CNGB3: variants seen among roughly 807,000 people sequenced by gnomAD.
CNGB3 encodes cyclic nucleotide gated channel subunit beta 3.
A neutral mutation model predicts 92.8 loss-of-function variants in CNGB3; 86 were observed. The ratio of observed to expected loss-of-function variants is 0.93; its 90% CI spans 0.78 to 1.11. The LOEUF is 1.11. Ranked by LOEUF, CNGB3 falls within the 50% of genes least tolerant of loss-of-function variation. The probability of loss-of-function intolerance (pLI) is 0.00; values close to 1 mark genes in which losing one functional copy is unlikely to be tolerated. For synonymous variants in CNGB3, 333 were observed against 332.7 expected, an observed-to-expected ratio of 1.00 and a Z score of -0.01; for missense variants, 1,026 against 956.8, an observed-to-expected ratio of 1.07 and a Z score of -0.95.
chr8:86,637,262 T>C (rs1277666066), intron 10 of CNGB3, among the ~76,000 whole-genome samples: 1 of 152,214 alleles, frequency 6.6e-6, no homozygotes, highest in Non-Finnish European at 1.5e-5. Flanking sequence ...GACAGGCAGT[T>C]GACCATCTAT....
chr8:86,705,542 A>G (rs938738403), intron 3 of CNGB3, among the ~76,000 whole-genome samples: 3 of 152,000 alleles, frequency 2.0e-5, no homozygotes, highest in African/African-American at 4.8e-5. Context: ...GGTGGGCCCA[A>G]TATAATCATG....
intron 17 of CNGB3, among the ~76,000 whole-genome samples, chr8:86,577,082 T>C (rs1821675101): frequency 6.6e-6 from 1 of 152,170 alleles, no homozygotes; most frequent in African/African-American, 2.4e-5. Flanking sequence ...TCTCAATATC[T>C]GCCCTCATAG....
chr8:86,658,352 C>T (rs1823561539), intron 6 of CNGB3: 2 of 456,846 alleles, frequency 4.4e-6, no homozygotes, highest in Non-Finnish European at 4.1e-6. Context: ...CCTCACTGTC[C>T]AGTCCATCTC....
intron 14 of CNGB3, among the ~76,000 whole-genome samples, chr8:86,608,304 G>A (rs962403371): frequency 3.3e-5 from 5 of 152,220 alleles, no homozygotes; most frequent in Admixed American, 2.6e-4. Context: ...AAGAGTGCGA[G>A]CCTTCTGTTA....
chr8:86,695,033 G>A (rs936263482), intron 3 of CNGB3, among the ~76,000 whole-genome samples: 7 of 152,226 alleles, frequency 4.6e-5, no homozygotes, highest in Admixed American at 3.9e-4. Context: ...ACGAGACTCC[G>A]TCTGCAATCC....
At chr8:86,712,763 T>C (rs1346418241) in intron 3 of CNGB3, among the ~76,000 whole-genome samples, 2 of 151,220 alleles carry the variant, frequency 1.3e-5, no homozygotes, top group African/African-American at 2.4e-5. Context: ...TAATTTTTTT[T>C]TTTTTTTTTT....
intron 10 of CNGB3, among the ~76,000 whole-genome samples, chr8:86,641,811 T>C (rs973780825): frequency 1.3e-5 from 2 of 151,948 alleles, no homozygotes; most frequent in African/African-American, 4.8e-5. Flanking sequence ...GTTGTAATTG[T>C]ATTCATTTAG....
chr8:86,627,036 G>A (rs1369505262), intron 12 of CNGB3, among the ~76,000 whole-genome samples: 5 of 150,252 alleles, frequency 3.3e-5, no homozygotes, highest in East Asian at 2.0e-4. Flanking sequence ...CAAGGGTCAC[G>A]TTTGTTCCCC....
chr8:86,583,723 C>G (rs946360799), intron 15 of CNGB3, among the ~76,000 whole-genome samples: 1 of 151,906 alleles, frequency 6.6e-6, no homozygotes, highest in Admixed American at 6.6e-5. Context: ...AGTTCGAGAC[C>G]AGACTGGGCA....
intron 10 of CNGB3, among the ~76,000 whole-genome samples, chr8:86,640,400 T>C (rs1025948374): frequency 6.6e-6 from 1 of 152,062 alleles, no homozygotes; most frequent in African/African-American, 2.4e-5. Context: ...ACTAAGTTGT[T>C]TATCTGCCAT....
chr8:86,684,481 A>T (rs1026083742), intron 3 of CNGB3, among the ~76,000 whole-genome samples: 2 of 152,088 alleles, frequency 1.3e-5, no homozygotes, highest in East Asian at 3.9e-4. Flanking sequence ...TGACCCCTAT[A>T]ATTGTACTCC....
Position 86,743,521 on chromosome 8 carries a change from T to C in CNGB3, c.107A>G (p.Gln36Arg), listed in dbSNP as rs1207204654. Reference protein sequence around the residue: ...RNEEGSHPSNQSQQTTAQEEN... With the variant: ...RNEEGSHPSNRSQQTTAQEEN... Reference sequence around the variant, plus strand: ...TACCTGTGCTGTGGTTTGCTGAGACTGATTACTTGGGTGAGAGCCTTCTTC... The same window carrying C: ...TACCTGTGCTGTGGTTTGCTGAGACCGATTACTTGGGTGAGAGCCTTCTTC... The change falls in exon 1 of 18, where the codon CAG (glutamine) becomes CGG (arginine). Residue 36 changes from glutamine to arginine, a missense_variant. Transcript: ENST00000320005. 1 of 1,614,016 alleles carries C rather than the reference T, an allele frequency of 6.2e-7. No individual in the cohort carries two copies. Among genetic ancestry groups the C allele is most frequent in the Admixed American group, 1.7e-5 (1 of 60,022 alleles).
At chr8:86,658,096 T>C (rs1823551582) in intron 6 of CNGB3, 2 of 527,784 alleles carry the variant, frequency 3.8e-6, no homozygotes, top group South Asian at 3.4e-5. Flanking sequence ...CGGGTGGGCC[T>C]CCCCACACAC....
intron 1 of CNGB3, among the ~76,000 whole-genome samples, chr8:86,740,013 G>C (rs187975569): frequency 6.6e-6 from 1 of 152,248 alleles, no homozygotes; most frequent in East Asian, 1.9e-4. Flanking sequence ...CTTGCCATAG[G>C]CCTAGCATTA....
intron 3 of CNGB3, among the ~76,000 whole-genome samples, chr8:86,673,417 G>A (rs1823904075): frequency 6.6e-6 from 1 of 152,154 alleles, no homozygotes. Context: ...GAGTATATGT[G>A]TGTGTGTGTA....
chr8:86,699,054 A>T (rs958805429), intron 3 of CNGB3, among the ~76,000 whole-genome samples: 1 of 152,150 alleles, frequency 6.6e-6, no homozygotes, highest in African/African-American at 2.4e-5. Context: ...TCAGCAAATG[A>T]GAGTTTTCTT....
intron 6 of CNGB3, 138 bp from the exon 7 acceptor site, chr8:86,654,200 T>A (rs1431388416): frequency 4.5e-6 from 3 of 672,576 alleles, no homozygotes; most frequent in South Asian, 3.5e-5. Context: ...TCCCAGGTAT[T>A]AAAACAAAAA....
chr8:86,702,266 A>G (rs1824571049), intron 3 of CNGB3, among the ~76,000 whole-genome samples: 1 of 152,202 alleles, frequency 6.6e-6, no homozygotes, highest in South Asian at 2.1e-4. Flanking sequence ...ATGAATCAGT[A>G]ATCTGTTCTG....
rs147040436 is a variant in CNGB3 at position 86,578,621 on chromosome 8, C to T, written c.2103+68G>A. 467 of 1,432,302 alleles carry T rather than the reference C, an allele frequency of 3.3e-4. 3 individuals are homozygous for T. The East Asian group carries it at 8.8e-3, about 27-fold the overall frequency. The allele number at this position is 1,432,302 out of a possible 1,614,324, so 88.7% of individuals were successfully genotyped here. The stretch of plus-strand genomic sequence containing the variant: ...GTGTCTGAAATGGAATTAGAGTGGG[C>T]GTTTGTGTGTATATACTTAGTCTGG... On this transcript the variant is annotated intron_variant, in intron 17 of 17. Coordinates refer to ENST00000320005, the MANE Select transcript of CNGB3 (RefSeq NM_019098.5).
Sources: allele counts gnomAD v4.1 joint callset (sites outside exome capture counted in the v4.1 genomes callset), GRCh38; gene constraint gnomAD v4.1.1; transcripts MANE v1.5; gene names NCBI Gene and HGNC (gene_info 2026-07-23, HGNC 2026-07-21).